Variants in APOLD1 observed in about 807,000 individuals in gnomAD.
APOLD1 encodes apolipoprotein L domain containing 1.
APOLD1 carries 22 observed loss-of-function variants against 15.3 expected under a neutral mutation model. That is an observed-to-expected ratio of 1.44 (90% confidence interval 1.03 to 2.05). The LOEUF (loss-of-function observed/expected upper bound fraction) is 2.05, where lower values mean the gene tolerates loss of function less well. Among genes scored for constraint, APOLD1 ranks in the 30% most tolerant of loss-of-function variants. The pLI is 0.00. For missense variants in APOLD1, 394 were observed against 353.5 expected, an observed-to-expected ratio of 1.11 and a Z score of -0.92; for synonymous variants, 190 against 167.4, an observed-to-expected ratio of 1.13 and a Z score of -1.04.
intron 1 of APOLD1, among the ~76,000 whole-genome samples, chr12:12,775,798 A>G (rs1947027190): frequency 6.6e-6 from 1 of 152,142 alleles, no homozygotes; most frequent in Non-Finnish European, 1.5e-5. Context: ...CCAGGAGTTC[A>G]TGACCAGCTT....
intron 1 of APOLD1, among the ~76,000 whole-genome samples, chr12:12,778,998 C>G (rs912684086): frequency 6.6e-6 from 1 of 152,160 alleles, no homozygotes; most frequent in African/African-American, 2.4e-5. Flanking sequence ...CTACCTACCC[C>G]TTAAGCCTCA....
chr12:12,783,609 G>A (rs1171468528), upstream of APOLD1, among the ~76,000 whole-genome samples: 5 of 150,526 alleles, frequency 3.3e-5, no homozygotes, highest in Admixed American at 6.7e-5. Context: ...CACTGCACCC[G>A]GCCCCAGTTG....
intron 1 of APOLD1, among the ~76,000 whole-genome samples, chr12:12,745,477 C>T (rs2136376000): frequency 6.6e-6 from 1 of 152,088 alleles, no homozygotes; most frequent in African/African-American, 2.4e-5. Context: ...TTGCGGTGGG[C>T]CAATATCGTG....
At chr12:12,771,802 A>C (rs2136392495) in intron 1 of APOLD1, 1 of 208,814 alleles carries the variant, frequency 4.8e-6, no homozygotes, top group African/African-American at 2.3e-5. Flanking sequence ...GTATAAGTGA[A>C]ACAAATGACC....
chr12:12,778,966 G>C (rs1457597420), intron 1 of APOLD1, among the ~76,000 whole-genome samples: 1 of 152,086 alleles, frequency 6.6e-6, no homozygotes, highest in Non-Finnish European at 1.5e-5. Flanking sequence ...CATGGCACTG[G>C]AAAGCTGTCA....
intron 1 of APOLD1, among the ~76,000 whole-genome samples, chr12:12,741,018 C>A (rs935572799): frequency 3.3e-5 from 5 of 151,994 alleles, no homozygotes; most frequent in Non-Finnish European, 7.4e-5. Context: ...GGGAAAAAAA[C>A]AAACCCATTA....
intron 1 of APOLD1, among the ~76,000 whole-genome samples, chr12:12,761,030 C>G (rs1343839224): frequency 6.6e-6 from 1 of 152,142 alleles, no homozygotes; most frequent in Non-Finnish European, 1.5e-5. Flanking sequence ...TAACCTAAAC[C>G]TAGAATGTGA....
At position 12,787,434 on chromosome 12, in the gene APOLD1, G is replaced by T. The variant is rs1318744008; in HGVS notation, c.529G>T (p.Gly177Cys). The T allele has an allele frequency of 1.2e-6, 2 of 1,614,198 alleles. No individual in the cohort carries two copies. The highest frequency in any genetic ancestry group is 1.6e-4 in the Middle Eastern group (1 of 6,062). ...VYFIVFFGSRGFLIPRRAEGD... is the reference protein window; with the variant it reads ...VYFIVFFGSRCFLIPRRAEGD... ...CTTCATCGTCTTCTTTGGCTCACGTGGCTTCCTCATCCCCAGGCGGGCGGA... is the reference window on the plus strand; with the variant it reads ...CTTCATCGTCTTCTTTGGCTCACGTTGCTTCCTCATCCCCAGGCGGGCGGA... Residue 177 changes from glycine to cysteine, a missense_variant, in exon 2 of 2, where the codon GGC (glycine) becomes TGC (cysteine). Physicochemically the swap from Gly to Cys is radical, Grantham distance 159 (BLOSUM62 -3). Coordinates refer to ENST00000356591, the MANE Select transcript of APOLD1 (RefSeq NM_030817.3). The surrounding 1 kb of genome is among the most constrained non-coding windows in gnomAD (Gnocchi z 4.9).
Position 12,787,608 on chromosome 12 carries a change from G to C in APOLD1, c.703G>C (p.Asp235His), listed in dbSNP as rs745946407. 6.2e-7 allele frequency: 1 copy of C among 1,610,042 alleles called. No homozygotes were observed. Among genetic ancestry groups the C allele is most frequent in the Non-Finnish European group, 8.5e-7 (1 of 1,179,932 alleles). The change falls in exon 2 of 2, where the codon GAC (aspartate) becomes CAC (histidine). Residue 235 changes from aspartate to histidine, a missense_variant. By Grantham distance (81) the Asp-to-His change is moderately conservative. Coordinates refer to ENST00000356591, the MANE Select transcript of APOLD1 (RefSeq NM_030817.3). The surrounding 1 kb of genome is among the most constrained non-coding windows in gnomAD (Gnocchi z 4.9). ...CTGCACCAAGTCCAGTCGTGGCCAC[G>C]ACCTCAAGATCTCTGCTGACCAGCG... ...QLCTKSSRGH[D>H]LKISADQRAG...
intron 1 of APOLD1, among the ~76,000 whole-genome samples, chr12:12,751,980 G>C (rs900035578): frequency 2.0e-5 from 3 of 152,160 alleles, no homozygotes; most frequent in African/African-American, 7.2e-5. Context: ...GAAAAGGCAA[G>C]AAAACATTCT....
chr12:12,737,706 A>G (rs890414451), intron 1 of APOLD1, among the ~76,000 whole-genome samples: 8 of 152,190 alleles, frequency 5.3e-5, no homozygotes, highest in Non-Finnish European at 8.8e-5. Flanking sequence ...TATCTTTGGC[A>G]TATCCTCAGC....
rs769219750 is a variant in APOLD1 at position 12,787,032 on chromosome 12, C to G, written c.127C>G (p.Arg43Gly). 1.2e-5 allele frequency: 17 copies of G among 1,377,248 alleles called. No homozygotes were observed. Among genetic ancestry groups the G allele is most frequent in the African/African-American group, 1.5e-5 (1 of 65,150 alleles). 85.3% of individuals were successfully genotyped at this position (1,377,248 alleles called of 1,614,324 possible). A position where few individuals can be genotyped will look rare whatever the true frequency, so the allele number is the denominator to read the frequency against. ...GQVLRLREVA[R>G]RLERLRRRSL... ...GGTGCTGCGCCTGCGCGAGGTGGCC[C>G]GGCGCCTGGAGCGCCTGCGCAGGCG... is the stretch of plus-strand genomic sequence containing the variant. The change falls in exon 2 of 2, where the codon CGG becomes GGG. Residue 43 changes from arginine (R) to glycine (G), a missense_variant. Transcript: ENST00000356591. This position sits in a 1 kb window ranked among gnomAD's most constrained non-coding sequence, Gnocchi z 4.9.
At chr12:12,747,504 A>G (rs1282208941) in intron 1 of APOLD1, among the ~76,000 whole-genome samples, 4 of 151,934 alleles carry the variant, frequency 2.6e-5, no homozygotes, top group Admixed American at 2.6e-4. Context: ...GCAGGCTGAC[A>G]CTCTGGTCGC....
intron 1 of APOLD1, among the ~76,000 whole-genome samples, chr12:12,753,773 A>G (rs1012901805): frequency 3.9e-5 from 6 of 152,198 alleles, no homozygotes; most frequent in African/African-American, 1.2e-4. Flanking sequence ...TCTGAGATGG[A>G]AAGAAACTAC....
chr12:12,736,262 A>G (rs1489041677), intron 1 of APOLD1, among the ~76,000 whole-genome samples: 1 of 152,120 alleles, frequency 6.6e-6, no homozygotes, highest in Non-Finnish European at 1.5e-5. Context: ...GAGGCAGGAG[A>G]ACTGCTTGAA....
At chr12:12,781,015 A>G (rs1483295486), upstream of APOLD1, among the ~76,000 whole-genome samples, 1 of 152,166 alleles carries the variant, frequency 6.6e-6, no homozygotes, top group Non-Finnish European at 1.5e-5. Context: ...TTGGTGCACT[A>G]TGAATTAATA....
At chr12:12,745,908 A>G (rs1464602414) in intron 1 of APOLD1, among the ~76,000 whole-genome samples, 1 of 152,230 alleles carries the variant, frequency 6.6e-6, no homozygotes, top group East Asian at 1.9e-4. Context: ...GCTGCACTCC[A>G]GAGTAGTCTG....
At chr12:12,782,232 C>T (rs1362811282), upstream of APOLD1, among the ~76,000 whole-genome samples, 1 of 151,638 alleles carries the variant, frequency 6.6e-6, no homozygotes, top group African/African-American at 2.4e-5. Flanking sequence ...GCACTCCAGC[C>T]TGGGCAACAG....
intron 1 of APOLD1, among the ~76,000 whole-genome samples, chr12:12,729,425 T>C (rs1378255342): frequency 6.6e-6 from 1 of 151,590 alleles, no homozygotes; most frequent in Non-Finnish European, 1.5e-5. Flanking sequence ...TAAGATGTAA[T>C]TTTTTTTTCT....
Sources: gnomAD v4.1 joint callset for allele counts (sites outside exome capture counted in the v4.1 genomes callset) on GRCh38, gnomAD v4.1.1 for gene constraint, Gnocchi (gnomAD v3.1) non-coding constraint, MANE v1.5 for transcripts, NCBI Gene and HGNC (gene_info 2026-07-23, HGNC 2026-07-21) for gene names.